GPRIN3: variants seen among roughly 807,000 people sequenced by gnomAD.
GPRIN3 encodes GPRIN family member 3, also known as G protein-regulated inducer of neurite outgrowth 3.
In GPRIN3, 12 loss-of-function variants were observed where a neutral mutation model predicts 13.7. The observed-to-expected ratio is 0.87, with a 90% CI of 0.56 to 1.42. The LOEUF (loss-of-function observed/expected upper bound fraction) is 1.42, where lower values mean the gene tolerates loss of function less well. GPRIN3 is among the 40% of genes most tolerant of loss of function. The pLI, the probability that GPRIN3 is intolerant of heterozygous loss-of-function variation, is 0.00. For missense variants in GPRIN3, 1,009 were observed against 958.7 expected (o/e 1.05, Z -0.69); for synonymous variants, 377 against 372.7 (o/e 1.01, Z -0.13).
intron 1 of GPRIN3, among the ~76,000 whole-genome samples, chr4:89,269,514 A>G (rs1723871553): frequency 6.6e-6 from 1 of 152,176 alleles, no homozygotes; most frequent in South Asian, 2.1e-4. Flanking sequence ...TTTCATAATG[A>G]ATCATTTCTA....
intron 1 of GPRIN3, among the ~76,000 whole-genome samples, chr4:89,275,900 A>C (rs914956623): frequency 6.6e-6 from 1 of 152,168 alleles, no homozygotes; most frequent in Non-Finnish European, 1.5e-5. Context: ...AACTCACCTT[A>C]ATGGGGGTCA....
chr4:89,266,330 T>A (rs796684904), intron 1 of GPRIN3, among the ~76,000 whole-genome samples: 34 of 152,298 alleles, frequency 2.2e-4, no homozygotes, highest in African/African-American at 7.0e-4. Flanking sequence ...CAAGGAATCC[T>A]GGCAGCTGGT....
At chr4:89,276,070 T>C (rs546798034) in intron 1 of GPRIN3, among the ~76,000 whole-genome samples, 3 of 152,236 alleles carry the variant, frequency 2.0e-5, no homozygotes, top group East Asian at 3.9e-4. Flanking sequence ...GGATAAACAG[T>C]AGTACTTTTC....
Position 89,248,462 on chromosome 4 carries a change from T to C in GPRIN3, c.1649A>G (p.Glu550Gly). Residue 550 changes from glutamate (E) to glycine (G), a missense_variant, in exon 2 of 2, where the codon GAG becomes GGG. Glu to Gly is a moderately conservative substitution (Grantham distance 98, BLOSUM62 -2). Transcript: ENST00000609438. The part of the protein sequence containing the change: ...PASPQVVKEK[E>G]STGTDTSDAK... ...ATCCGAGGTATCAGTGCCAGTAGAC[T>C]CTTTTTCTTTTACTACCTGAGGAGA... 1.2e-6 allele frequency: 2 copies of C among 1,612,942 alleles called. No homozygotes were observed. Among genetic ancestry groups the C allele is most frequent in the Non-Finnish European group, 1.7e-6 (2 of 1,179,588 alleles).
chr4:89,286,574 T>C (rs1296555328), intron 1 of GPRIN3, among the ~76,000 whole-genome samples: 1 of 152,112 alleles, frequency 6.6e-6, no homozygotes, highest in African/African-American at 2.4e-5. Context: ...TTTTTTAGAA[T>C]GTGACTCCCA....
chr4:89,247,650 T>C lies in GPRIN3; in HGVS notation c.*130A>G. 1.2e-6 allele frequency: 1 copy of C among 838,438 alleles called. No homozygotes were observed. The highest frequency in any genetic ancestry group is 1.8e-6 in the Non-Finnish European group (1 of 554,896). 51.9% of individuals were successfully genotyped at this position (838,438 alleles called of 1,614,324 possible). On this transcript the variant is annotated 3_prime_UTR_variant, in exon 2 of 2. Coordinates refer to ENST00000609438, the MANE Select transcript of GPRIN3 (RefSeq NM_198281.3). ...GGTCAAAGGATCTAACAATTTTTAATAGCAATTTCCTATAGTGAATACTTG... is the reference window on the plus strand; with the variant it reads ...GGTCAAAGGATCTAACAATTTTTAACAGCAATTTCCTATAGTGAATACTTG...
At chr4:89,285,220 G>A (rs559102085) in intron 1 of GPRIN3, among the ~76,000 whole-genome samples, 3 of 151,788 alleles carry the variant, frequency 2.0e-5, no homozygotes, top group South Asian at 2.1e-4. Context: ...GTCAGGGGGC[G>A]GGGGAGGGAC....
chr4:89,280,460 T>C (rs1309710527), intron 1 of GPRIN3, among the ~76,000 whole-genome samples: 1 of 152,232 alleles, frequency 6.6e-6, no homozygotes, highest in African/African-American at 2.4e-5. Flanking sequence ...TTAAGCTTCA[T>C]GTCTCTTGTT....
Position 89,274,188 on chromosome 4 carries a change from T to C in GPRIN3, c.-123-23955A>G, listed in dbSNP as rs530569545. On this transcript the variant is annotated intron_variant, in intron 1 of 1. Coordinates refer to ENST00000609438, the MANE Select transcript of GPRIN3 (RefSeq NM_198281.3). ...GTACAGCAACACGCCAAATAAATGA[T>C]TGGTAATAGAAGACAAAATAACCCC... Among the ~76,000 whole-genome samples, 10 of 152,246 alleles carry C rather than the reference T, an allele frequency of 6.6e-5. No homozygotes were observed. The East Asian group carries it at 1.4e-3, about 21-fold the overall frequency.
rs1361877276 is a variant in GPRIN3 at position 89,236,525 on chromosome 4, C to T, written c.*11255G>A. 6.6e-6 allele frequency: 1 copy of T among 152,116 alleles called. No homozygotes were observed. The highest frequency in any genetic ancestry group is 1.5e-5 in the Non-Finnish European group (1 of 68,026). 9.4% of individuals were successfully genotyped at this position (152,116 alleles called of 1,614,324 possible). On this transcript the variant is annotated 3_prime_UTR_variant, in exon 2 of 2. Coordinates refer to ENST00000609438, the MANE Select transcript of GPRIN3 (RefSeq NM_198281.3). ...AGAGAAGAAAAGAACAATATTTTGC[C>T]TATGCCATTTAATTCCCACAAATTT...
At chr4:89,259,028 G>A (rs1050962499) in intron 1 of GPRIN3, among the ~76,000 whole-genome samples, 2 of 152,162 alleles carry the variant, frequency 1.3e-5, no homozygotes, top group Non-Finnish European at 2.9e-5. Context: ...TATGGAGGCA[G>A]GAATTATGAA....
chr4:89,260,887 T>C (rs1723603755), intron 1 of GPRIN3, among the ~76,000 whole-genome samples: 1 of 152,236 alleles, frequency 6.6e-6, no homozygotes, highest in Non-Finnish European at 1.5e-5. Context: ...ATTTATTTAA[T>C]AAGCTAACTG....
rs545096531 is a variant in GPRIN3 at position 89,243,451 on chromosome 4, G to A, written c.*4329C>T. On this transcript the variant is annotated 3_prime_UTR_variant, in exon 2 of 2. Transcript: ENST00000609438. ...GAATTTGGAGAGAATCAACCAAAAA[G>A]GGCCACGCACAACATCAGGAAGCAT... The A allele has an allele frequency of 6.6e-6, 1 of 152,268 alleles. No individual in the cohort carries two copies. The highest frequency in any genetic ancestry group is 2.4e-5 in the African/African-American group (1 of 41,548). The allele number at this position is 152,268 out of a possible 1,614,324, so 9.4% of individuals were successfully genotyped here. A position where few individuals can be genotyped will look rare whatever the true frequency, so the allele number is the denominator to read the frequency against.
intron 1 of GPRIN3, among the ~76,000 whole-genome samples, chr4:89,260,066 C>T (rs1239910041): frequency 4.6e-5 from 7 of 152,284 alleles, no homozygotes; most frequent in Non-Finnish European, 8.8e-5. Flanking sequence ...TTCAGTCTCC[C>T]AAAGTGCTGG....
chr4:89,255,534 A>T (rs1723442901), intron 1 of GPRIN3, among the ~76,000 whole-genome samples: 1 of 152,210 alleles, frequency 6.6e-6, no homozygotes, highest in African/African-American at 2.4e-5. Flanking sequence ...CAAATACAAC[A>T]AGAACAAGTA....
intron 1 of GPRIN3, among the ~76,000 whole-genome samples, chr4:89,270,583 AT>A (rs1259308486): frequency 1.2e-5 from 1 of 80,548 alleles, no homozygotes; most frequent in African/African-American, 8.7e-5. Flanking sequence ...ATATATATAT[AT>A]ATATATATAT....
intron 1 of GPRIN3, among the ~76,000 whole-genome samples, chr4:89,261,405 T>C (rs775970491): frequency 6.6e-6 from 1 of 152,176 alleles, no homozygotes; most frequent in Non-Finnish European, 1.5e-5. Flanking sequence ...TTACCTTTGA[T>C]AGACAGAAAT....
At chr4:89,265,230 G>T (rs988460374) in intron 1 of GPRIN3, among the ~76,000 whole-genome samples, 1 of 152,090 alleles carries the variant, frequency 6.6e-6, no homozygotes, top group Non-Finnish European at 1.5e-5. Flanking sequence ...TTTCACTTAA[G>T]ATATGGTTTT....
intron 1 of GPRIN3, among the ~76,000 whole-genome samples, chr4:89,280,613 G>A (rs1724219288): frequency 6.6e-6 from 1 of 152,310 alleles, no homozygotes; most frequent in South Asian, 2.1e-4. Context: ...CTAAAATTCA[G>A]GTCCACCTAG....
Sources: gnomAD v4.1 joint callset for allele counts (sites outside exome capture counted in the v4.1 genomes callset) on GRCh38, gnomAD v4.1.1 for gene constraint, MANE v1.5 for transcripts, NCBI Gene and HGNC (gene_info 2026-07-23, HGNC 2026-07-21) for gene names.